PDK1: variants seen among roughly 807,000 people sequenced by gnomAD.
The protein encoded by PDK1 is pyruvate dehydrogenase kinase 1, also known as [Pyruvate dehydrogenase (acetyl-transferring)] kinase isozyme 1, mitochondrial.
A neutral mutation model predicts 54.2 loss-of-function variants in PDK1; 39 were observed. The observed-to-expected ratio is 0.72, with a 90% CI of 0.56 to 0.94. PDK1 has a LOEUF of 0.94. PDK1 is among the 40% of genes least tolerant of loss of function. PDK1 has a pLI of 0.00. For synonymous variants in PDK1, 221 were observed against 207.1 expected, an observed-to-expected ratio of 1.07 and a Z score of -0.58; for missense variants, 552 against 566.0, an observed-to-expected ratio of 0.98 and a Z score of 0.25.
chr2:172,633,730 G>T, the PDK1 span, among the ~76,000 whole-genome samples: 1 of 149,426 alleles, frequency 6.7e-6, no homozygotes. Context: ...TTATGTATTA[G>T]CTTTATTTTA....
intron 7 of PDK1, among the ~76,000 whole-genome samples, chr2:172,570,083 C>CG (rs770014287): frequency 1.3e-5 from 2 of 152,196 alleles, no homozygotes; most frequent in Non-Finnish European, 2.9e-5. Context: ...GTGCCAGGGC[C>CG]ACACACTCTT....
chr2:172,623,434 T>TTATGTTTTACATATGTAAAACA, the PDK1 span, among the ~76,000 whole-genome samples: 5 of 152,202 alleles, frequency 3.3e-5, no homozygotes, highest in Non-Finnish European at 5.9e-5. Flanking sequence ...CCAAAATGTT[T>TTATGTTTTACATATGTAAAACA]TATGTTTTAC....
At chr2:172,678,548 G>C in the PDK1 span, among the ~76,000 whole-genome samples, 2 of 152,148 alleles carry the variant, frequency 1.3e-5, no homozygotes, top group African/African-American at 4.8e-5. Flanking sequence ...TGACTTTTTA[G>C]AACAGATTAG....
At chr2:172,713,663 C>A in the PDK1 span, among the ~76,000 whole-genome samples, 1 of 152,240 alleles carries the variant, frequency 6.6e-6, no homozygotes, top group Non-Finnish European at 1.5e-5. Context: ...AGAGGCCAGG[C>A]AACGCGGGCA....
the PDK1 span, among the ~76,000 whole-genome samples, chr2:172,700,165 A>G: frequency 6.6e-6 from 1 of 152,192 alleles, no homozygotes; most frequent in Non-Finnish European, 1.5e-5. Context: ...CTTTCCACAC[A>G]GACACAGTAA....
intron 9 of PDK1, among the ~76,000 whole-genome samples, chr2:172,588,528 A>T (rs185687157): frequency 5.9e-5 from 9 of 152,332 alleles, no homozygotes; most frequent in Admixed American, 3.3e-4. Flanking sequence ...TTATTTTAGG[A>T]TGTAAAATGT....
At chr2:172,722,299 T>C in the PDK1 span, among the ~76,000 whole-genome samples, 1 of 152,254 alleles carries the variant, frequency 6.6e-6, no homozygotes, top group Non-Finnish European at 1.5e-5. Context: ...CTCTTAGAGA[T>C]ATTGAGGTCA....
the PDK1 span, among the ~76,000 whole-genome samples, chr2:172,668,822 T>C: frequency 1.0e-4 from 15 of 147,138 alleles, no homozygotes; most frequent in African/African-American, 3.5e-4. Flanking sequence ...TATATATATA[T>C]ACACACATAT....
At chr2:172,569,583 CT>C (rs1689137371) in intron 7 of PDK1, among the ~76,000 whole-genome samples, 1 of 152,052 alleles carries the variant, frequency 6.6e-6, no homozygotes, top group South Asian at 2.1e-4. Context: ...GGCTTTCAAT[CT>C]GATAATGTAA....
In PDK1 at chr2:172,601,711, G is replaced by C. The variant is rs1027876399; in HGVS notation, c.*5742G>C. On this transcript the variant is annotated 3_prime_UTR_variant, in exon 11 of 11. Transcript: ENST00000282077. Reference sequence around the variant, plus strand: ...ATACTCGCTGGGTTAGCTGGGGTAGGTAAAGCCACAGCTGTGGCAGCAACC... The same window carrying C: ...ATACTCGCTGGGTTAGCTGGGGTAGCTAAAGCCACAGCTGTGGCAGCAACC... 2 of 152,154 alleles carry C rather than the reference G, an allele frequency of 1.3e-5. No individual in the cohort carries two copies. The highest frequency in any genetic ancestry group is 2.9e-5 in the Non-Finnish European group (2 of 68,036). The allele number at this position is 152,154 out of a possible 1,614,324, so 9.4% of individuals were successfully genotyped here. A position where few individuals can be genotyped will look rare whatever the true frequency, so the allele number is the denominator to read the frequency against.
At chr2:172,567,278 C>G (rs572577710) in intron 6 of PDK1, among the ~76,000 whole-genome samples, 1 of 152,232 alleles carries the variant, frequency 6.6e-6, no homozygotes, top group South Asian at 2.1e-4. Flanking sequence ...TACCCTTTTT[C>G]TACTTCCTGA....
At chr2:172,557,043 A>G (rs972031339) in intron 1 of PDK1, among the ~76,000 whole-genome samples, 3 of 151,424 alleles carry the variant, frequency 2.0e-5, no homozygotes, top group African/African-American at 7.3e-5. Context: ...ATGAGGGGAA[A>G]AGGGAAAACC....
At chr2:172,690,526 A>T in the PDK1 span, among the ~76,000 whole-genome samples, 15 of 149,860 alleles carry the variant, frequency 1.0e-4, 1 homozygote, top group African/African-American at 3.7e-4. Flanking sequence ...GTTATAAATC[A>T]TGCTACTATA....
chr2:172,581,716 C>T (rs1689920899), intron 8 of PDK1, among the ~76,000 whole-genome samples: 1 of 152,080 alleles, frequency 6.6e-6, no homozygotes, highest in South Asian at 2.1e-4. Context: ...CTTTTAGAAT[C>T]AAGGCTTGGT....
At chr2:172,570,111 C>G (rs1388928623) in intron 7 of PDK1, among the ~76,000 whole-genome samples, 30 of 152,112 alleles carry the variant, frequency 2.0e-4, no homozygotes, top group Admixed American at 2.0e-3. Context: ...AATTCGGATG[C>G]CTTTTTAGTT....
At chr2:172,617,220 T>C in the PDK1 span, among the ~76,000 whole-genome samples, 1 of 152,150 alleles carries the variant, frequency 6.6e-6, no homozygotes, top group Non-Finnish European at 1.5e-5. Flanking sequence ...CCCAAAGTGC[T>C]AAGATTACAG....
the PDK1 span, among the ~76,000 whole-genome samples, chr2:172,617,644 C>T: frequency 2.6e-5 from 4 of 152,074 alleles, no homozygotes; most frequent in African/African-American, 7.2e-5. Flanking sequence ...TCCATGAGGG[C>T]GATCCCTCAT....
At position 172,556,319 on chromosome 2, in the gene PDK1, C is replaced by A; in HGVS notation, c.169C>A (p.Leu57Ile). ...CTACGCGCGCTTCTCGCCGTCCCCGCTCTCCATGAAGCAGTTCCTGGACTT... is the reference window on the plus strand; with the variant it reads ...CTACGCGCGCTTCTCGCCGTCCCCGATCTCCATGAAGCAGTTCCTGGACTT... ...DFYARFSPSP[L>I]SMKQFLDFGS... is the part of the protein sequence containing the mutation. Residue 57 changes from leucine to isoleucine, a missense_variant, in exon 1 of 11, where the codon CTC becomes ATC. By Grantham distance (5) the Leu-to-Ile change is conservative (BLOSUM62 2). Transcript: ENST00000282077. The A allele has an allele frequency of 6.7e-7, 1 of 1,496,456 alleles. No individual in the cohort carries two copies. Among genetic ancestry groups the A allele is most frequent in the Non-Finnish European group, 8.8e-7 (1 of 1,130,452 alleles). The allele number at this position is 1,496,456 out of a possible 1,614,324, so 92.7% of individuals were successfully genotyped here. A position where few individuals can be genotyped will look rare whatever the true frequency, so the allele number is the denominator to read the frequency against.
chr2:172,673,164 T>C, the PDK1 span, among the ~76,000 whole-genome samples: 1 of 152,194 alleles, frequency 6.6e-6, no homozygotes, highest in Non-Finnish European at 1.5e-5. Flanking sequence ...TTTTCTATGT[T>C]GGCATACTTC....
Sources: gnomAD v4.1 joint callset for allele counts (sites outside exome capture counted in the v4.1 genomes callset) on GRCh38, gnomAD v4.1.1 for gene constraint, MANE v1.5 for transcripts, NCBI Gene and HGNC (gene_info 2026-07-23, HGNC 2026-07-21) for gene names.